Variants in ZC3H12B observed in about 807,000 individuals in gnomAD.
ZC3H12B encodes the protein probable ribonuclease ZC3H12B.
A neutral mutation model predicts 43.9 loss-of-function variants in ZC3H12B; 7 were observed. That is an observed-to-expected ratio of 0.16 (90% CI 0.09 to 0.30). ZC3H12B has a LOEUF of 0.30. ZC3H12B is among the 10% of genes least tolerant of loss of function. The pLI, the probability that ZC3H12B is intolerant of heterozygous loss-of-function variation, is 1.00. For synonymous variants in ZC3H12B, 222 were observed against 241.7 expected, an observed-to-expected ratio of 0.92 and a Z score of 0.76; for missense variants, 475 against 670.2, an observed-to-expected ratio of 0.71 and a Z score of 3.22.
At position 65,454,963 on chromosome X, in the gene ZC3H12B, C is replaced by A. The variant is rs1450119799; in HGVS notation, n.408-33683C>A. On this transcript the variant is annotated intron_variant and non_coding_transcript_variant, in intron 3 of 5. Transcript: ENST00000617377. ...TAAAAAACAGAAAGGACATCCACAC[C>A]AAAACCCCACCTGTACATTACCATC... is the stretch of plus-strand genomic sequence containing the variant. Among the ~76,000 whole-genome samples, 5 of 111,837 alleles carry A rather than the reference C, an allele frequency of 4.5e-5. No individual in the cohort carries two copies. The East Asian group carries it at 1.4e-3, about 31-fold the overall frequency.
chrX:65,302,730 G>T, the ZC3H12B span, among the ~76,000 whole-genome samples: 10 of 111,700 alleles, frequency 9.0e-5, no homozygotes, highest in South Asian at 3.7e-3. Flanking sequence ...GAAAGTCAGA[G>T]GCCTGACATT....
chrX:65,199,950 C>A, the ZC3H12B span, among the ~76,000 whole-genome samples: 1 of 110,642 alleles, frequency 9.0e-6, no homozygotes, highest in East Asian at 2.8e-4. Flanking sequence ...ATTTATATTT[C>A]TCTGGGTATA....
chrX:65,469,532 C>T (rs1018838821), intron 3 of ZC3H12B: 4 of 314,937 alleles, frequency 1.3e-5, no homozygotes, highest in African/African-American at 1.1e-4. Context: ...ATGTTGCTCT[C>T]GTGCTTTGGC....
chrX:65,249,193 C>G, the ZC3H12B span, among the ~76,000 whole-genome samples: 2 of 111,835 alleles, frequency 1.8e-5, no homozygotes, highest in African/African-American at 6.5e-5. Context: ...ATGTTATCTT[C>G]TAGAATTTTT....
chrX:65,121,214 C>T, the ZC3H12B span, among the ~76,000 whole-genome samples: 1 of 111,524 alleles, frequency 9.0e-6, no homozygotes, highest in Non-Finnish European at 1.9e-5. Context: ...GGAATAATTT[C>T]AGAAGGAATG....
chrX:65,442,906 A>C (rs1432975707), intron 3 of ZC3H12B, among the ~76,000 whole-genome samples: 1 of 111,366 alleles, frequency 9.0e-6, no homozygotes, highest in East Asian at 2.8e-4. Context: ...CCTGGATAGA[A>C]CTAAGAGCCA....
the ZC3H12B span, among the ~76,000 whole-genome samples, chrX:65,169,399 C>T: frequency 8.9e-6 from 1 of 111,844 alleles, no homozygotes; most frequent in Non-Finnish European, 1.9e-5. Context: ...GTCTGAGAGA[C>T]AGTTTGTTAT....
intron 2 of ZC3H12B, among the ~76,000 whole-genome samples, chrX:65,390,077 T>TA (rs1357769162): frequency 1.8e-5 from 2 of 111,813 alleles, no homozygotes; most frequent in Admixed American, 9.5e-5. Context: ...TATGCAGCCA[T>TA]AAAAAAGGAT....
At chrX:65,094,742 T>C in the ZC3H12B span, among the ~76,000 whole-genome samples, 1 of 112,260 alleles carries the variant, frequency 8.9e-6, no homozygotes, top group Non-Finnish European at 1.9e-5. Context: ...AAAATTGTTG[T>C]AATTGTATTA....
the ZC3H12B span, among the ~76,000 whole-genome samples, chrX:65,256,073 C>T: frequency 1.8e-5 from 2 of 111,725 alleles, no homozygotes; most frequent in African/African-American, 6.5e-5. Flanking sequence ...TATACATAAC[C>T]ACACAATAAT....
chrX:65,226,567 A>G, the ZC3H12B span, among the ~76,000 whole-genome samples: 2 of 111,830 alleles, frequency 1.8e-5, no homozygotes, highest in Admixed American at 9.5e-5. Context: ...AAATGCTCCA[A>G]TTAAAAGACA....
chrX:65,325,778 C>T, the ZC3H12B span, among the ~76,000 whole-genome samples: 5 of 110,980 alleles, frequency 4.5e-5, no homozygotes, highest in Non-Finnish European at 7.6e-5. Context: ...GCAAAAGAAT[C>T]GAACTGATTT....
the ZC3H12B span, among the ~76,000 whole-genome samples, chrX:65,165,654 C>T: frequency 7.1e-5 from 8 of 112,563 alleles, no homozygotes; most frequent in South Asian, 2.9e-3. Context: ...CATAGTAGTC[C>T]ATGGGGTATA....
chrX:65,229,560 T>C, the ZC3H12B span, among the ~76,000 whole-genome samples: 1 of 111,055 alleles, frequency 9.0e-6, no homozygotes, highest in Non-Finnish European at 1.9e-5. Context: ...AAAGAACTTC[T>C]GCACAGCAAA....
the ZC3H12B span, among the ~76,000 whole-genome samples, chrX:65,114,308 A>G: frequency 4.6e-5 from 5 of 109,203 alleles, no homozygotes; most frequent in African/African-American, 1.6e-4. Flanking sequence ...TCTGGAAAAG[A>G]TTATAAACAA....
chrX:65,351,109 G>T, the ZC3H12B span, among the ~76,000 whole-genome samples: 1 of 111,649 alleles, frequency 9.0e-6, no homozygotes, highest in South Asian at 3.7e-4. Context: ...GCATGGTACT[G>T]GTACCAAAAC....
the ZC3H12B span, among the ~76,000 whole-genome samples, chrX:65,222,062 T>C: frequency 4.6e-4 from 51 of 111,736 alleles, 1 homozygote; most frequent in Admixed American, 4.9e-3. Context: ...AGTCAATAAA[T>C]GTAATACACC....
upstream of ZC3H12B, among the ~76,000 whole-genome samples, chrX:65,365,059 C>T (rs371761466): frequency 9.0e-5 from 10 of 111,433 alleles, no homozygotes; most frequent in Admixed American, 6.7e-4. Flanking sequence ...AGTCCAATAA[C>T]GGACTGTCCT....
At chrX:65,092,437 G>C in the ZC3H12B span, among the ~76,000 whole-genome samples, 1 of 111,453 alleles carries the variant, frequency 9.0e-6, no homozygotes, top group African/African-American at 3.3e-5. Flanking sequence ...GGGAAAATTT[G>C]GAAATCCCTA....
Sources: gnomAD v4.1 joint callset for allele counts (sites outside exome capture counted in the v4.1 genomes callset) on GRCh38, gnomAD v4.1.1 for gene constraint, MANE v1.5 for transcripts, NCBI Gene and HGNC (gene_info 2026-07-23, HGNC 2026-07-21) for gene names.